HORMAD2: variants seen among roughly 807,000 people sequenced by gnomAD.
HORMAD2 encodes HORMA domain-containing protein 2.
A neutral mutation model predicts 38.8 loss-of-function variants in HORMAD2; 45 were observed. That is an observed-to-expected ratio of 1.16 (90% confidence interval 0.91 to 1.49). The LOEUF is 1.49. HORMAD2 is among the 40% of genes most tolerant of loss of function. The pLI, the probability that HORMAD2 is intolerant of heterozygous loss-of-function variation, is 0.00. For synonymous variants in HORMAD2, 126 were observed against 122.8 expected (o/e 1.03, Z -0.17); for missense variants, 338 against 367.0 (o/e 0.92, Z 0.65).
the HORMAD2 span, among the ~76,000 whole-genome samples, chr22:30,196,687 G>T: frequency 6.6e-6 from 1 of 152,184 alleles, no homozygotes; most frequent in Admixed American, 6.5e-5. Context: ...AAGTCACTTT[G>T]TTTGTGAAAA....
the HORMAD2 span, among the ~76,000 whole-genome samples, chr22:30,189,674 C>T: frequency 1.3e-5 from 2 of 152,146 alleles, no homozygotes; most frequent in African/African-American, 4.8e-5. Context: ...CTCCTTCATT[C>T]CTTGCCCAGC....
chr22:30,175,903 A>C (rs1926426131), intron 10 of HORMAD2, among the ~76,000 whole-genome samples, 160 bp from the exon 11 acceptor site: 1 of 152,222 alleles, frequency 6.6e-6, no homozygotes, highest in South Asian at 2.1e-4. Flanking sequence ...TGATACTGGC[A>C]GCAGGGCCTC....
chr22:30,127,573 G>A (rs760858735), intron 10 of HORMAD2, among the ~76,000 whole-genome samples: 8 of 152,286 alleles, frequency 5.3e-5, no homozygotes, highest in Admixed American at 2.0e-4. Flanking sequence ...AAATTCCTGA[G>A]TTCAAGCCAT....
At chr22:30,193,855 A>T in the HORMAD2 span, among the ~76,000 whole-genome samples, 2 of 152,164 alleles carry the variant, frequency 1.3e-5, no homozygotes, top group African/African-American at 2.4e-5. Flanking sequence ...ATCTTCTGTG[A>T]CAGCTGGGGC....
chr22:30,174,207 A>G (rs2123745088), intron 10 of HORMAD2, among the ~76,000 whole-genome samples: 1 of 152,364 alleles, frequency 6.6e-6, no homozygotes, highest in South Asian at 2.1e-4. Flanking sequence ...GAAAAGTATT[A>G]GAAGTCATTT....
intron 7 of HORMAD2, among the ~76,000 whole-genome samples, chr22:30,114,706 T>A (rs1429179340): frequency 6.6e-6 from 1 of 152,102 alleles, no homozygotes; most frequent in African/African-American, 2.4e-5. Context: ...TTGTGAAGAG[T>A]ATGTCATGGT....
At chr22:30,158,829 C>T (rs777539123) in intron 10 of HORMAD2, among the ~76,000 whole-genome samples, 1 of 151,650 alleles carries the variant, frequency 6.6e-6, no homozygotes, top group Non-Finnish European at 1.5e-5. Flanking sequence ...GAACCACAAG[C>T]GCACGCCACC....
At chr22:30,142,848 G>C (rs1924170729) in intron 10 of HORMAD2, among the ~76,000 whole-genome samples, 2 of 151,942 alleles carry the variant, frequency 1.3e-5, no homozygotes, top group South Asian at 4.1e-4. Context: ...TTCTTTAGTA[G>C]TTGCACTAGG....
intron 1 of HORMAD2, among the ~76,000 whole-genome samples, chr22:30,092,937 G>A (rs1448040488): frequency 6.6e-6 from 1 of 152,072 alleles, no homozygotes; most frequent in Non-Finnish European, 1.5e-5. Flanking sequence ...CTCCAACTTT[G>A]TTCTTTTTGC....
intron 3 of HORMAD2, among the ~76,000 whole-genome samples, chr22:30,100,855 G>C (rs1049348810): frequency 6.7e-6 from 1 of 149,672 alleles, no homozygotes; most frequent in Non-Finnish European, 1.5e-5. Context: ...CTGGTCGTTA[G>C]AGAGATGCAA....
chr22:30,187,638 A>G, the HORMAD2 span, among the ~76,000 whole-genome samples: 136 of 152,056 alleles, frequency 8.9e-4, no homozygotes, highest in African/African-American at 3.2e-3. Flanking sequence ...CTACTGTGTT[A>G]AGTACTGGCC....
chr22:30,155,898 T>C (rs893896876), intron 10 of HORMAD2, among the ~76,000 whole-genome samples: 2 of 152,200 alleles, frequency 1.3e-5, no homozygotes, highest in Non-Finnish European at 2.9e-5. Flanking sequence ...TGTACACATA[T>C]AGACACCCAT....
chr22:30,186,319 C>CG, the HORMAD2 span, among the ~76,000 whole-genome samples: 5 of 149,016 alleles, frequency 3.4e-5, no homozygotes, highest in Admixed American at 6.7e-5. Context: ...GTTTTCTCTC[C>CG]TCTGGATAGG....
At chr22:30,104,105 T>C (rs1921011093) in intron 4 of HORMAD2, among the ~76,000 whole-genome samples, 1 of 152,212 alleles carries the variant, frequency 6.6e-6, no homozygotes, top group Non-Finnish European at 1.5e-5. Flanking sequence ...TATATACACC[T>C]ATTATGTACC....
At chr22:30,115,740 G>A (rs1227039606) in intron 7 of HORMAD2, among the ~76,000 whole-genome samples, 3 of 152,136 alleles carry the variant, frequency 2.0e-5, no homozygotes, top group African/African-American at 7.2e-5. Context: ...GATAGACATA[G>A]TGCTATGAAG....
intron 10 of HORMAD2, chr22:30,137,721 T>G (rs1923767152): frequency 6.4e-6 from 1 of 157,406 alleles, no homozygotes; most frequent in African/African-American, 2.4e-5. Context: ...GTTTTCAAAG[T>G]TCATCCATGT....
chr22:30,178,067 A>G (rs1340778238), downstream of HORMAD2, among the ~76,000 whole-genome samples: 2 of 152,208 alleles, frequency 1.3e-5, no homozygotes, highest in East Asian at 3.8e-4. Context: ...TCTTCACTGC[A>G]GGTATTTGAA....
the HORMAD2 span, among the ~76,000 whole-genome samples, chr22:30,193,581 G>C: frequency 6.6e-6 from 1 of 152,094 alleles, no homozygotes; most frequent in Non-Finnish European, 1.5e-5. Flanking sequence ...CATATGAAGA[G>C]GAAGGACAGT....
intron 10 of HORMAD2, among the ~76,000 whole-genome samples, chr22:30,171,621 C>G (rs1926114361): frequency 6.6e-6 from 1 of 152,092 alleles, no homozygotes; most frequent in African/African-American, 2.4e-5. Context: ...AGGCAGAGTG[C>G]TCTTTGAAAA....
Sources: allele counts gnomAD v4.1 joint callset (sites outside exome capture counted in the v4.1 genomes callset), GRCh38; gene constraint gnomAD v4.1.1; transcripts MANE v1.5; gene names NCBI Gene and HGNC (gene_info 2026-07-23, HGNC 2026-07-21).